Variants in MYO18B observed in about 807,000 individuals in gnomAD.
The protein encoded by MYO18B is unconventional myosin-XVIIIb.
MYO18B carries 204 observed loss-of-function variants against 273.0 expected under a neutral mutation model. That is an observed-to-expected ratio of 0.75 (90% CI 0.67 to 0.84). MYO18B has a LOEUF of 0.84. Among genes scored for constraint, MYO18B ranks in the 40% least tolerant of loss-of-function variants. The pLI, the probability that MYO18B is intolerant of heterozygous loss-of-function variation, is 0.00. For synonymous variants in MYO18B, 1,330 were observed against 1,305.7 expected, an observed-to-expected ratio of 1.02 and a Z score of -0.40; for missense variants, 3,212 against 3,287.6, an observed-to-expected ratio of 0.98 and a Z score of 0.56.
Position 25,921,241 on chromosome 22 carries a change from TC to T in MYO18B, c.5365-13del, listed in dbSNP as rs2092336443. The stretch of plus-strand genomic sequence containing the variant: ...GCTTTGCCACCTAAGCTCATGGGTC[TC>T]CCTTTGGCTTTCAGATTGGCCATCG... On this transcript the variant is annotated splice_polypyrimidine_tract_variant and intron_variant, in intron 33 of 43. Transcript: ENST00000335473. 2.6e-6 allele frequency: 4 copies of T among 1,544,982 alleles called. No individual in the cohort carries two copies. In the South Asian group the frequency reaches 3.6e-5, roughly 14 times the overall value.
At chr22:25,826,296 T>A in intron 13 of MYO18B, 113 bp from the exon 14 acceptor site, 1 of 720,444 alleles carries the variant, frequency 1.4e-6, no homozygotes, top group Non-Finnish European at 2.3e-6. Flanking sequence ...TGGAGGGATG[T>A]GGCAAGAAAA....
At chr22:25,769,471 C>T (rs760356577) in intron 4 of MYO18B, 43 bp downstream of exon 4, 1 of 1,452,448 alleles carries the variant, frequency 6.9e-7, no homozygotes, top group South Asian at 1.4e-5. Flanking sequence ...GGCAGACAGG[C>T]CTCTCCAGAG....
At chr22:25,919,441 A>C (rs1292349652) in intron 33 of MYO18B, among the ~76,000 whole-genome samples, 1 of 152,210 alleles carries the variant, frequency 6.6e-6, no homozygotes, top group African/African-American at 2.4e-5. Flanking sequence ...TCATAATACT[A>C]TACACCTCAT....
intron 1 of MYO18B, among the ~76,000 whole-genome samples, chr22:25,759,529 G>A (rs2086235896): frequency 6.6e-6 from 1 of 151,876 alleles, no homozygotes; most frequent in Non-Finnish European, 1.5e-5. Context: ...AGGGGTGGGG[G>A]ACTAGGGGAG....
chr22:25,955,150 AG>A, intron 38 of MYO18B, 28 bp from the exon 39 acceptor site: 1 of 1,551,272 alleles, frequency 6.4e-7, no homozygotes, highest in Non-Finnish European at 8.7e-7. Context: ...TCCAACTCCA[AG>A]GTGGGCATGT....
At chr22:25,969,393 C>A (rs1013271888) in intron 39 of MYO18B, among the ~76,000 whole-genome samples, 1 of 152,176 alleles carries the variant, frequency 6.6e-6, no homozygotes, top group African/African-American at 2.4e-5. Flanking sequence ...CCACCCTGGC[C>A]CCTGAGGCAG....
chr22:25,768,883 GGAA>G lies in MYO18B; in HGVS notation c.972_974del (p.Arg325del), dbSNP rs1601634468. On this transcript the variant is annotated inframe_deletion, in exon 4 of 44. Transcript: ENST00000335473. ...TGGGAGAAAGTGGGGAGGTTTCCTGGGAAGAAGGAGTAAGTGGGACGGTCCCCA... is the reference window on the plus strand; with the variant it reads ...TGGGAGAAAGTGGGGAGGTTTCCTGGGAAGGAGTAAGTGGGACGGTCCCCA... The G allele has an allele frequency of 6.2e-7, 1 of 1,613,112 alleles. No homozygotes were observed. Among genetic ancestry groups the G allele is most frequent in the East Asian group, 2.2e-5 (1 of 44,872 alleles).
At chr22:25,796,676 A>G (rs2087926660) in intron 11 of MYO18B, among the ~76,000 whole-genome samples, 2 of 152,180 alleles carry the variant, frequency 1.3e-5, no homozygotes, top group Non-Finnish European at 2.9e-5. Context: ...TTTAGTGGGA[A>G]AGCTCAGTTG....
intron 11 of MYO18B, among the ~76,000 whole-genome samples, chr22:25,796,244 A>G (rs540057850): frequency 3.3e-5 from 5 of 151,954 alleles, no homozygotes; most frequent in Middle Eastern, 3.4e-3. Context: ...AAAAAATCCT[A>G]TAATCCATAA....
chr22:25,808,951 C>CT (rs1242010981), intron 12 of MYO18B, among the ~76,000 whole-genome samples: 2 of 152,042 alleles, frequency 1.3e-5, no homozygotes, highest in South Asian at 2.1e-4. Context: ...CTGACCTGGG[C>CT]GGTTTTTTTT....
At chr22:25,940,852 T>C (rs900735221) in intron 34 of MYO18B, among the ~76,000 whole-genome samples, 2 of 152,106 alleles carry the variant, frequency 1.3e-5, no homozygotes, top group African/African-American at 4.8e-5. Flanking sequence ...GTAACTACAG[T>C]ATGGGGAGGA....
At chr22:25,888,869 C>A (rs2091577525) in intron 25 of MYO18B, among the ~76,000 whole-genome samples, 1 of 152,162 alleles carries the variant, frequency 6.6e-6, no homozygotes, top group Admixed American at 6.5e-5. Flanking sequence ...GGGTGGGAGG[C>A]AGATGGGCTG....
chr22:26,026,088 C>T (rs1016761188), intron 42 of MYO18B, among the ~76,000 whole-genome samples: 6 of 152,200 alleles, frequency 3.9e-5, no homozygotes, highest in African/African-American at 1.2e-4. Flanking sequence ...TGTCCCCTTC[C>T]GGTCTTGAAG....
intron 9 of MYO18B, among the ~76,000 whole-genome samples, chr22:25,781,152 G>A (rs2087131757): frequency 6.6e-6 from 1 of 152,202 alleles, no homozygotes; most frequent in Non-Finnish European, 1.5e-5. Flanking sequence ...ATGTTGGAAG[G>A]TGGCCTCATT....
At chr22:25,952,199 C>A in intron 37 of MYO18B, 87 bp from the exon 38 acceptor site, 1 of 1,481,786 alleles carries the variant, frequency 6.7e-7, no homozygotes. Context: ...AATAGCTCCT[C>A]CCACCCTCCC....
At chr22:25,880,914 A>T (rs2091315558) in intron 25 of MYO18B, among the ~76,000 whole-genome samples, 1 of 152,242 alleles carries the variant, frequency 6.6e-6, no homozygotes. Flanking sequence ...GAAAGAGTAG[A>T]TATGGCAGGT....
At chr22:25,997,303 GCCA>G (rs1355801618) in intron 40 of MYO18B, among the ~76,000 whole-genome samples, 2 of 47,682 alleles carry the variant, frequency 4.2e-5, no homozygotes, top group African/African-American at 1.4e-4. Context: ...AAACTCTGTC[GCCA>G]AAAAAAAAAA....
At chr22:25,925,583 G>A (rs2092408192) in intron 34 of MYO18B, among the ~76,000 whole-genome samples, 1 of 152,136 alleles carries the variant, frequency 6.6e-6, no homozygotes, top group Non-Finnish European at 1.5e-5. Flanking sequence ...CAGGGGCTGA[G>A]GAGGGAAAGG....
Position 25,763,376 on chromosome 22 carries a change from C to T in MYO18B, c.185C>T (p.Ser62Phe), listed in dbSNP as rs374693929. 94 of 1,610,662 alleles carry T rather than the reference C, an allele frequency of 5.8e-5. 1 individual carries two copies. The highest frequency in any genetic ancestry group is 1.7e-5 in the Admixed American group (1 of 58,658). Reference sequence around the variant, plus strand: ...CAGAGGAAGCAGTTAGCTGTCGCCTCTCCAGAACGAGAGGTAAGTGGTTCC... The same window carrying T: ...CAGAGGAAGCAGTTAGCTGTCGCCTTTCCAGAACGAGAGGTAAGTGGTTCC... ...ARQRKQLAVA[S>F]PEREIPEISI... is the part of the protein sequence containing the mutation. The change falls in exon 3 of 44, where the codon TCT becomes TTT. Residue 62 changes from serine to phenylalanine, a missense_variant. Coordinates refer to ENST00000335473, the MANE Select transcript of MYO18B (RefSeq NM_032608.7).
Sources: allele counts gnomAD v4.1 joint callset (sites outside exome capture counted in the v4.1 genomes callset), GRCh38; gene constraint gnomAD v4.1.1; transcripts MANE v1.5; gene names NCBI Gene and HGNC (gene_info 2026-07-23, HGNC 2026-07-21).